MRPL13: variants seen among roughly 807,000 people sequenced by gnomAD.
MRPL13 encodes the protein large ribosomal subunit protein uL13m.
Under a neutral mutation model 29.0 loss-of-function variants are expected in MRPL13, and 33 were observed. The ratio of observed to expected loss-of-function variants is 1.14; its 90% CI spans 0.86 to 1.52. The LOEUF (loss-of-function observed/expected upper bound fraction) is 1.52. MRPL13 is among the 40% of genes most tolerant of loss of function. The probability of loss-of-function intolerance (pLI) is 0.00; values close to 1 mark genes in which losing one functional copy is unlikely to be tolerated. For synonymous variants in MRPL13, 77 were observed against 68.4 expected, an observed-to-expected ratio of 1.13 and a Z score of -0.62; for missense variants, 227 against 216.7, an observed-to-expected ratio of 1.05 and a Z score of -0.30.
intron 3 of MRPL13, among the ~76,000 whole-genome samples, chr8:120,429,206 A>C (rs1353131842): frequency 6.6e-6 from 1 of 152,158 alleles, no homozygotes; most frequent in Non-Finnish European, 1.5e-5. Context: ...AGCAACATGG[A>C]TGCAGCTGGA....
At chr8:120,423,806 GA>G (rs1266175393) in intron 4 of MRPL13, among the ~76,000 whole-genome samples, 10 of 152,042 alleles carry the variant, frequency 6.6e-5, no homozygotes, top group Non-Finnish European at 7.4e-5. Flanking sequence ...GGGATTGTAA[GA>G]AAAGAAAATT....
intron 2 of MRPL13, among the ~76,000 whole-genome samples, chr8:120,434,369 G>A (rs1412914081): frequency 6.6e-6 from 1 of 152,028 alleles, no homozygotes; most frequent in Non-Finnish European, 1.5e-5. Flanking sequence ...ATCTTATTAG[G>A]TAAAGCTAAC....
chr8:120,427,103 C>T (rs969769057), intron 3 of MRPL13, among the ~76,000 whole-genome samples: 9 of 151,904 alleles, frequency 5.9e-5, no homozygotes, highest in African/African-American at 2.2e-4. Context: ...AATTAAATAA[C>T]TACAGTAAAT....
chr8:120,440,845 AG>A lies in MRPL13; in HGVS notation c.151+2339del, dbSNP rs1813115352. Among the ~76,000 whole-genome samples the A allele has an allele frequency of 3.3e-5, 5 of 152,224 alleles. 1 individual carries two copies. The highest frequency in any genetic ancestry group is 1.2e-4 in the African/African-American group (5 of 41,564). On this transcript the variant is annotated intron_variant, in intron 2 of 6. Transcript: ENST00000306185. Reference sequence around the variant, plus strand: ...ATAACTGTAGTTGATCTACGGAGAAAGAATTACGTGGAGGCAATGGCAGAAG... The same window carrying A: ...ATAACTGTAGTTGATCTACGGAGAAAAATTACGTGGAGGCAATGGCAGAAG...
intron 6 of MRPL13, among the ~76,000 whole-genome samples, chr8:120,409,310 C>T (rs908916301): frequency 1.3e-5 from 2 of 152,140 alleles, no homozygotes; most frequent in African/African-American, 2.4e-5. Flanking sequence ...TTAGGAAAAG[C>T]TCTCCTGCAT....
chr8:120,411,612 T>C (rs527500071), intron 6 of MRPL13, among the ~76,000 whole-genome samples: 29 of 152,336 alleles, frequency 1.9e-4, no homozygotes, highest in African/African-American at 7.0e-4. Flanking sequence ...AGTAAACGTA[T>C]ACCTATTTTA....
At chr8:120,425,486 G>A (rs1812922552) in intron 3 of MRPL13, 120 bp from the exon 4 acceptor site, 1 of 645,960 alleles carries the variant, frequency 1.5e-6, no homozygotes. Context: ...CTTTTCATTA[G>A]TGTTTTCAAA....
At chr8:120,414,876 G>A (rs1044875816) in intron 5 of MRPL13, 5 of 152,178 alleles carry the variant, frequency 3.3e-5, no homozygotes, top group Admixed American at 2.6e-4. Context: ...TCAGAAAAAT[G>A]AAGAGTTGGA....
chr8:120,430,123 A>G (rs911717239), intron 3 of MRPL13, among the ~76,000 whole-genome samples: 1 of 152,046 alleles, frequency 6.6e-6, no homozygotes, highest in Non-Finnish European at 1.5e-5. Flanking sequence ...TTAGCTGGGC[A>G]TGGTGGTGCA....
chr8:120,415,491 A>C (rs1273801696), intron 5 of MRPL13: 3 of 152,162 alleles, frequency 2.0e-5, no homozygotes, highest in Non-Finnish European at 2.9e-5. Context: ...ATAAAATTTT[A>C]TAACTTTAGG....
intron 1 of MRPL13, among the ~76,000 whole-genome samples, chr8:120,443,813 A>T (rs1169070682): frequency 6.6e-6 from 1 of 152,108 alleles, no homozygotes; most frequent in Non-Finnish European, 1.5e-5. Flanking sequence ...TAAATAGAAC[A>T]ATGTAGTTGG....
intron 5 of MRPL13, 136 bp from the exon 6 acceptor site, chr8:120,414,248 A>G: frequency 1.4e-6 from 1 of 725,324 alleles, no homozygotes; most frequent in East Asian, 3.7e-5. Flanking sequence ...TCTTTAAAAT[A>G]AAAACCTTAT....
chr8:120,423,818 T>TA (rs1489200991), intron 4 of MRPL13, among the ~76,000 whole-genome samples: 1 of 152,032 alleles, frequency 6.6e-6, no homozygotes, highest in Non-Finnish European at 1.5e-5. Flanking sequence ...AAAGAAAATT[T>TA]AAAAAAATCA....
intron 2 of MRPL13, among the ~76,000 whole-genome samples, chr8:120,436,494 T>C (rs907702589): frequency 5.3e-5 from 8 of 152,172 alleles, no homozygotes; most frequent in Non-Finnish European, 1.2e-4. Flanking sequence ...ATAGCCTAAT[T>C]AGATTGTTTG....
intron 6 of MRPL13, among the ~76,000 whole-genome samples, chr8:120,401,545 C>T (rs1056697691): frequency 1.3e-5 from 2 of 152,144 alleles, no homozygotes; most frequent in Admixed American, 1.3e-4. Flanking sequence ...CAGCCAATAT[C>T]ATACTGAATG....
chr8:120,426,357 A>T (rs2130474230), intron 3 of MRPL13, among the ~76,000 whole-genome samples: 1 of 152,254 alleles, frequency 6.6e-6, no homozygotes, highest in African/African-American at 2.4e-5. Flanking sequence ...AACACATTTT[A>T]GGAATAAAAC....
intron 2 of MRPL13, among the ~76,000 whole-genome samples, chr8:120,438,710 A>C (rs543233616): frequency 6.6e-6 from 1 of 152,346 alleles, no homozygotes; most frequent in East Asian, 1.9e-4. Context: ...CACCAGACTG[A>C]AGTGGAATGG....
chr8:120,436,720 TC>T (rs1462608274), intron 2 of MRPL13, among the ~76,000 whole-genome samples: 1 of 152,178 alleles, frequency 6.6e-6, no homozygotes, highest in East Asian at 1.9e-4. Context: ...GGCACAAGGA[TC>T]CAGGTTCTTT....
intron 6 of MRPL13, 50 bp downstream of exon 6, chr8:120,413,941 A>G (rs1479985122): frequency 2.1e-6 from 3 of 1,457,200 alleles, no homozygotes; most frequent in Non-Finnish European, 2.7e-6. Context: ...ATGGTTGAGG[A>G]AACAGAGGAT....
Sources: gnomAD v4.1 joint callset for allele counts (sites outside exome capture counted in the v4.1 genomes callset) on GRCh38, gnomAD v4.1.1 for gene constraint, MANE v1.5 for transcripts, NCBI Gene and HGNC (gene_info 2026-07-23, HGNC 2026-07-21) for gene names.